TBC1D32: variants seen among roughly 807,000 people sequenced by gnomAD.
The protein encoded by TBC1D32 is TBC1 domain family member 32.
Under a neutral mutation model 170.3 loss-of-function variants are expected in TBC1D32, and 151 were observed. That is an observed-to-expected ratio of 0.89 (90% CI 0.78 to 1.01). TBC1D32 has a LOEUF of 1.01. TBC1D32 is among the 50% of genes least tolerant of loss of function. The pLI, the probability that TBC1D32 is intolerant of heterozygous loss-of-function variation, is 0.00. For missense variants in TBC1D32, 1,464 were observed against 1,457.1 expected, an observed-to-expected ratio of 1.00 and a Z score of -0.08; for synonymous variants, 498 against 488.0, an observed-to-expected ratio of 1.02 and a Z score of -0.27.
intron 24 of TBC1D32, among the ~76,000 whole-genome samples, chr6:121,143,983 A>T (rs1783122940): frequency 6.6e-6 from 1 of 152,164 alleles, no homozygotes; most frequent in Non-Finnish European, 1.5e-5. Context: ...AAATCCCTGT[A>T]AAAATATCTT....
chr6:121,193,901 C>T (rs545088511), intron 22 of TBC1D32, among the ~76,000 whole-genome samples: 1 of 152,220 alleles, frequency 6.6e-6, no homozygotes, highest in Non-Finnish European at 1.5e-5. Flanking sequence ...GAGACTGGGT[C>T]CCCCTGAGGA....
chr6:121,298,991 A>G (rs1806056371), intron 10 of TBC1D32, among the ~76,000 whole-genome samples: 1 of 152,138 alleles, frequency 6.6e-6, no homozygotes, highest in Admixed American at 6.6e-5. Context: ...TTTTGGTAAC[A>G]TATTTTAGAG....
intron 1 of TBC1D32, among the ~76,000 whole-genome samples, chr6:121,331,795 C>T (rs896797099): frequency 1.3e-5 from 2 of 152,046 alleles, no homozygotes; most frequent in African/African-American, 4.8e-5. Context: ...ATGGAGAGAC[C>T]AAAGTTAAGC....
At chr6:121,315,627 T>C (rs1451503393) in intron 3 of TBC1D32, among the ~76,000 whole-genome samples, 1 of 152,168 alleles carries the variant, frequency 6.6e-6, no homozygotes, top group Non-Finnish European at 1.5e-5. Context: ...GTTTACAATG[T>C]TATTCATAGG....
chr6:121,304,447 G>C, intron 7 of TBC1D32, 21 bp from the exon 8 acceptor site: 1 of 1,608,562 alleles, frequency 6.2e-7, no homozygotes, highest in East Asian at 2.2e-5. Context: ...GTGCACAATA[G>C]TTCTCAAAAA....
At chr6:121,246,838 A>T (rs1483918617) in intron 17 of TBC1D32, among the ~76,000 whole-genome samples, 1 of 151,796 alleles carries the variant, frequency 6.6e-6, no homozygotes, top group East Asian at 2.0e-4. Flanking sequence ...AAGACAAAGA[A>T]AAACTCTCCA....
At chr6:121,259,596 C>T (rs534736022) in intron 15 of TBC1D32, among the ~76,000 whole-genome samples, 2 of 152,110 alleles carry the variant, frequency 1.3e-5, no homozygotes, top group South Asian at 4.1e-4. Context: ...GCAATAAAAC[C>T]CCCAAAGACA....
chr6:121,246,657 A>G (rs558798073), intron 17 of TBC1D32, among the ~76,000 whole-genome samples: 1 of 152,026 alleles, frequency 6.6e-6, no homozygotes, highest in Non-Finnish European at 1.5e-5. Flanking sequence ...TATGAAAGAA[A>G]ACTTTTCCAG....
intron 24 of TBC1D32, among the ~76,000 whole-genome samples, chr6:121,136,958 C>G (rs1040516148): frequency 6.6e-6 from 1 of 151,902 alleles, no homozygotes; most frequent in Non-Finnish European, 1.5e-5. Context: ...TATATCAGAA[C>G]TCACTAAGAT....
rs1311307887 is a variant in TBC1D32, at chr6:121,303,555, CTATT to C, written c.1080+58_1080+61del. ...TTAGCACACAGTATTCAAACATTAA[CTATT>C]TATTAAAATGATATAGCAATGCACT... is the stretch of plus-strand genomic sequence containing the variant. On this transcript the variant is annotated intron_variant, in intron 9 of 31. Coordinates refer to ENST00000398212, the MANE Select transcript of TBC1D32 (RefSeq NM_152730.6). 2.4e-6 allele frequency: 3 copies of C among 1,259,062 alleles called. No individual in the cohort carries two copies. The African/African-American group carries it at 4.5e-5, about 19-fold the overall frequency. The allele number at this position is 1,259,062 out of a possible 1,614,324, so 78.0% of individuals were successfully genotyped here. A position where few individuals can be genotyped will look rare whatever the true frequency, so the allele number is the denominator to read the frequency against.
Position 121,334,356 on chromosome 6 carries a change from C to T in TBC1D32, c.75G>A (p.Glu25=), listed in dbSNP as rs959154561. The change falls in exon 1 of 32, where the codon GAG becomes GAA. Residue 25 remains glutamate, a synonymous_variant. Coordinates refer to ENST00000398212, the MANE Select transcript of TBC1D32 (RefSeq NM_152730.6). ...CCAGGGAAGGGGCACCCGTGATTTT[C>T]TCCTTCACGCTCTGGAACAACCGCC... ...MLRRLFQSVK[E]KITGAPSLEC... 1.9e-6 allele frequency: 3 copies of T among 1,614,206 alleles called. No homozygotes were observed. Among genetic ancestry groups the T allele is most frequent in the East Asian group, 2.2e-5 (1 of 44,872 alleles).
intron 2 of TBC1D32, among the ~76,000 whole-genome samples, chr6:121,318,687 T>C (rs1294657086): frequency 6.6e-6 from 1 of 151,786 alleles, no homozygotes; most frequent in Non-Finnish European, 1.5e-5. Context: ...CTAACCTATT[T>C]CATATGACTA....
chr6:121,176,414 G>A (rs1189599452), intron 22 of TBC1D32, among the ~76,000 whole-genome samples: 3 of 152,046 alleles, frequency 2.0e-5, no homozygotes, highest in Non-Finnish European at 4.4e-5. Flanking sequence ...AAAGGGAGAA[G>A]TACACATTGA....
At chr6:121,097,062 A>C (rs1161866544) in intron 30 of TBC1D32, among the ~76,000 whole-genome samples, 1 of 152,206 alleles carries the variant, frequency 6.6e-6, no homozygotes, top group Non-Finnish European at 1.5e-5. Context: ...TTGATTAAAG[A>C]CTTAAACATA....
chr6:121,131,261 G>T (rs1781409852), intron 25 of TBC1D32, among the ~76,000 whole-genome samples: 1 of 151,092 alleles, frequency 6.6e-6, no homozygotes, highest in Admixed American at 6.6e-5. Flanking sequence ...TTACTTCCAT[G>T]AATATAAAAG....
At chr6:121,206,007 C>T (rs373740083) in intron 21 of TBC1D32, among the ~76,000 whole-genome samples, 2 of 151,876 alleles carry the variant, frequency 1.3e-5, no homozygotes, top group Non-Finnish European at 2.9e-5. Context: ...GTCAGGAGTT[C>T]GAGACCAGCC....
rs1788620056 is a variant in TBC1D32, at chr6:121,182,252, A to G, written c.2571-21196T>C. On this transcript the variant is annotated intron_variant, in intron 22 of 31. Transcript: ENST00000398212. Reference sequence around the variant, plus strand: ...TTGAGATTTCATGAGTATTTATTTTATAACAATTTGTTAAGTTGTATGTTT... The same window carrying G: ...TTGAGATTTCATGAGTATTTATTTTGTAACAATTTGTTAAGTTGTATGTTT... 2.0e-5 allele frequency among the ~76,000 whole-genome samples: 3 copies of G among 152,198 alleles called. No individual in the cohort carries two copies. In the South Asian group the frequency reaches 6.2e-4, roughly 31 times the overall value.
intron 1 of TBC1D32, among the ~76,000 whole-genome samples, chr6:121,328,310 G>C (rs902769806): frequency 2.0e-5 from 3 of 151,348 alleles, no homozygotes; most frequent in Non-Finnish European, 4.4e-5. Flanking sequence ...TTTTGTGACG[G>C]AGTCTCGCTC....
intron 1 of TBC1D32, among the ~76,000 whole-genome samples, chr6:121,322,889 TAATGTCTATTAGCA>T (rs1275514401): frequency 6.6e-6 from 1 of 152,216 alleles, no homozygotes; most frequent in Non-Finnish European, 1.5e-5. Flanking sequence ...CTTGTTCATG[TAATGTCTATTAGCA>T]AATTTCTGAT....
Sources: gnomAD v4.1 joint callset for allele counts (sites outside exome capture counted in the v4.1 genomes callset) on GRCh38, gnomAD v4.1.1 for gene constraint, MANE v1.5 for transcripts, NCBI Gene and HGNC (gene_info 2026-07-23, HGNC 2026-07-21) for gene names.